The following TRMT11 variants were observed in gnomAD, a reference collection of about 807,000 sequenced individuals.
The protein encoded by TRMT11 is tRNA (guanine(10)-N(2))-methyltransferase TRMT11.
In TRMT11, 53 loss-of-function variants were observed where a neutral mutation model predicts 62.8. The observed-to-expected ratio is 0.84, with a 90% CI of 0.68 to 1.06. The LOEUF (loss-of-function observed/expected upper bound fraction) is 1.06, where lower values mean the gene tolerates loss of function less well. TRMT11 is among the 50% of genes least tolerant of loss of function. The probability of loss-of-function intolerance (pLI) is 0.00; values close to 1 mark genes in which losing one functional copy is unlikely to be tolerated. For synonymous variants in TRMT11, 188 were observed against 190.3 expected (o/e 0.99, Z 0.10); for missense variants, 556 against 553.4 (o/e 1.00, Z -0.05).
At chr6:126,023,377 C>T (rs1389510526) in intron 12 of TRMT11, among the ~76,000 whole-genome samples, 7 of 152,126 alleles carry the variant, frequency 4.6e-5, no homozygotes, top group Non-Finnish European at 7.3e-5. Context: ...GGGCCAGGCG[C>T]GGTGGCTCAC....
At chr6:126,172,556 T>TA (rs1318237167), upstream of TRMT11, among the ~76,000 whole-genome samples, 1 of 152,240 alleles carries the variant, frequency 6.6e-6, no homozygotes, top group African/African-American at 2.4e-5. Context: ...ATTCTAGCCC[T>TA]GGTCAAAAGT....
chr6:126,132,547 T>C (rs560837136), intron 21 of TRMT11, among the ~76,000 whole-genome samples: 2 of 152,034 alleles, frequency 1.3e-5, no homozygotes, highest in Non-Finnish European at 2.9e-5. Context: ...CCTGCAGTCA[T>C]ACTGTCTAAT....
chr6:126,011,405 A>G lies in TRMT11; in HGVS notation c.913A>G (p.Ile305Val), dbSNP rs1159274653. 5 of 1,609,580 alleles carry G rather than the reference A, an allele frequency of 3.1e-6. No individual in the cohort carries two copies. Among genetic ancestry groups the G allele is most frequent in the Admixed American group, 1.7e-5 (1 of 59,264 alleles). Residue 305 changes from isoleucine (I) to valine (V), a missense_variant, in exon 9 of 13, where the codon ATC (isoleucine) becomes GTC (valine). Coordinates refer to ENST00000334379, the MANE Select transcript of TRMT11 (RefSeq NM_001031712.3). ...GAGGAAGGGCACATATTTTGATGCA[A>G]TCATTACTGATCGTAAGTTTATTTT... is the stretch of plus-strand genomic sequence containing the variant. Reference protein sequence around the residue: ...SWRKGTYFDAIITDPPYGIRE... With the variant: ...SWRKGTYFDAVITDPPYGIRE...
chr6:126,177,037 G>A (rs1778394435), upstream of TRMT11, among the ~76,000 whole-genome samples: 1 of 152,030 alleles, frequency 6.6e-6, no homozygotes, highest in African/African-American at 2.4e-5. Flanking sequence ...AGAAATTGTG[G>A]CTGAAGAAAA....
chr6:126,091,770 T>C (rs1455227282), intron 17 of TRMT11, among the ~76,000 whole-genome samples: 2 of 152,184 alleles, frequency 1.3e-5, no homozygotes, highest in Admixed American at 1.3e-4. Context: ...ATTGAAATAG[T>C]AAAACTCCAG....
intron 21 of TRMT11, among the ~76,000 whole-genome samples, chr6:126,130,578 T>C (rs1442184775): frequency 9.9e-6 from 1 of 101,470 alleles, no homozygotes; most frequent in Non-Finnish European, 2.1e-5. Flanking sequence ...TATGTTTTAC[T>C]GTTTTTTTTT....
At chr6:126,240,843 G>A in the TRMT11 span, among the ~76,000 whole-genome samples, 11 of 152,344 alleles carry the variant, frequency 7.2e-5, no homozygotes, top group South Asian at 1.2e-3. Flanking sequence ...TCCTTGAGCC[G>A]CGGTGGGCTC....
chr6:126,024,706 ACCATCACCAGTGT>A (rs1484421011), intron 12 of TRMT11, among the ~76,000 whole-genome samples: 3 of 152,158 alleles, frequency 2.0e-5, no homozygotes, highest in Non-Finnish European at 2.9e-5. Flanking sequence ...CATTACACTA[ACCATCACCAGTGT>A]CCATCACATT....
chr6:126,132,130 T>G (rs938306681), intron 21 of TRMT11, among the ~76,000 whole-genome samples: 5 of 152,070 alleles, frequency 3.3e-5, no homozygotes, highest in Non-Finnish European at 5.9e-5. Flanking sequence ...AGTTTTCTAT[T>G]TGATACCCAC....
intron 21 of TRMT11, among the ~76,000 whole-genome samples, chr6:126,169,931 CCTGA>C (rs1293900028): frequency 1.3e-5 from 2 of 151,984 alleles, no homozygotes; most frequent in African/African-American, 2.4e-5. Flanking sequence ...TGTTCAGGTT[CCTGA>C]CTGTCTTTAG....
the TRMT11 span, among the ~76,000 whole-genome samples, chr6:126,213,079 G>A: frequency 6.6e-6 from 1 of 152,034 alleles, no homozygotes; most frequent in Admixed American, 6.6e-5. Context: ...TGAGTTCACT[G>A]TAGATGTGTG....
chr6:125,989,198 G>A (rs967960823), intron 1 of TRMT11, among the ~76,000 whole-genome samples: 19 of 145,780 alleles, frequency 1.3e-4, no homozygotes, highest in Admixed American at 4.3e-4. Context: ...GCGCGGTCTC[G>A]GCTCACTGCA....
intron 17 of TRMT11, among the ~76,000 whole-genome samples, chr6:126,061,803 C>T (rs181399852): frequency 2.6e-5 from 4 of 152,304 alleles, no homozygotes; most frequent in Non-Finnish European, 4.4e-5. Context: ...GGACCATTTC[C>T]TGCCTCAATC....
chr6:126,138,526 A>G (rs1777878185), intron 21 of TRMT11, among the ~76,000 whole-genome samples: 1 of 151,998 alleles, frequency 6.6e-6, no homozygotes, highest in Non-Finnish European at 1.5e-5. Flanking sequence ...CACTGTGGCT[A>G]TACCTGAGGT....
intron 1 of TRMT11, among the ~76,000 whole-genome samples, chr6:126,181,685 C>G (rs528674660): frequency 1.4e-4 from 22 of 152,254 alleles, no homozygotes; most frequent in African/African-American, 4.3e-4. Context: ...AAAACATTGT[C>G]AGCCATGTTG....
intron 3 of TRMT11, among the ~76,000 whole-genome samples, chr6:126,201,228 A>G (rs1408549017): frequency 6.6e-6 from 1 of 152,212 alleles, no homozygotes; most frequent in African/African-American, 2.4e-5. Context: ...AATATTGGCC[A>G]TTGATTTTAA....
chr6:126,004,275 G>A (rs1169601317), intron 7 of TRMT11, among the ~76,000 whole-genome samples: 3 of 151,926 alleles, frequency 2.0e-5, no homozygotes, highest in African/African-American at 7.3e-5. Flanking sequence ...AGTGTGTTGA[G>A]GGGCAAGGAG....
intron 17 of TRMT11, among the ~76,000 whole-genome samples, chr6:126,079,203 C>T (rs1022074727): frequency 2.0e-5 from 3 of 151,998 alleles, no homozygotes; most frequent in South Asian, 4.2e-4. Context: ...TATTTTTCTA[C>T]GGTAGGGGAT....
At chr6:126,200,804 T>C (rs946913980) in intron 3 of TRMT11, among the ~76,000 whole-genome samples, 21 of 152,078 alleles carry the variant, frequency 1.4e-4, no homozygotes, top group African/African-American at 5.1e-4. Context: ...CCGCCTGCCT[T>C]AGCCTCCCAA....
Sources: gnomAD v4.1 joint callset for allele counts (sites outside exome capture counted in the v4.1 genomes callset) on GRCh38, gnomAD v4.1.1 for gene constraint, MANE v1.5 for transcripts, NCBI Gene and HGNC (gene_info 2026-07-23, HGNC 2026-07-21) for gene names.